Variants in CDH4 observed in about 807,000 individuals in gnomAD.
CDH4 encodes the protein cadherin-4.
Under a neutral mutation model 86.0 loss-of-function variants are expected in CDH4, and 33 were observed. The observed-to-expected ratio is 0.38, with a 90% confidence interval of 0.29 to 0.51. The LOEUF (loss-of-function observed/expected upper bound fraction) is 0.51. Ranked by LOEUF, CDH4 falls within the 20% of genes least tolerant of loss-of-function variation. The probability of loss-of-function intolerance (pLI) is 0.86; values close to 1 mark genes in which losing one functional copy is unlikely to be tolerated. For synonymous variants in CDH4, 555 were observed against 549.4 expected, an observed-to-expected ratio of 1.01 and a Z score of -0.14; for missense variants, 1,114 against 1,307.4, an observed-to-expected ratio of 0.85 and a Z score of 2.28.
At chr20:61,398,145 CG>C (rs1273826949) in intron 2 of CDH4, among the ~76,000 whole-genome samples, 2 of 152,172 alleles carry the variant, frequency 1.3e-5, no homozygotes, top group Non-Finnish European at 2.9e-5. Flanking sequence ...AGCATTCAAG[CG>C]TATCAGTCTT....
intron 3 of CDH4, among the ~76,000 whole-genome samples, chr20:61,755,508 A>G (rs1229293422): frequency 2.1e-5 from 3 of 145,724 alleles, no homozygotes; most frequent in Non-Finnish European, 4.5e-5. Context: ...ACACACACAC[A>G]TGCCCCATAC....
At chr20:61,581,030 A>G (rs1052209615) in intron 2 of CDH4, among the ~76,000 whole-genome samples, 2 of 152,220 alleles carry the variant, frequency 1.3e-5, no homozygotes, top group African/African-American at 4.8e-5. Flanking sequence ...GGACAAGGGC[A>G]CTATCCAAAA....
intron 2 of CDH4, among the ~76,000 whole-genome samples, chr20:61,447,533 C>A (rs776779150): frequency 1.3e-5 from 2 of 151,244 alleles, no homozygotes; most frequent in African/African-American, 2.4e-5. Flanking sequence ...GCTTTTCAGT[C>A]TTGTCCCATT....
rs774837151 is a variant in CDH4, at chr20:61,773,143, C to A, written c.537C>A (p.Pro179=). ...RDWVIPPINV[P]ENSRGPFPQQ... Reference sequence around the variant, plus strand: ...GGGTCATCCCGCCCATCAACGTGCCCGAGAACTCGCGCGGGCCCTTCCCGC... The same window carrying A: ...GGGTCATCCCGCCCATCAACGTGCCAGAGAACTCGCGCGGGCCCTTCCCGC... The change falls in exon 4 of 16, where the codon CCC becomes CCA. Residue 179 remains proline (P), a synonymous_variant. Coordinates refer to ENST00000614565, the MANE Select transcript of CDH4 (RefSeq NM_001794.5). The A allele has an allele frequency of 7.5e-6, 12 of 1,599,314 alleles. No homozygotes were observed. The highest frequency in any genetic ancestry group is 1.0e-5 in the Non-Finnish European group (12 of 1,173,364).
intron 2 of CDH4, among the ~76,000 whole-genome samples, chr20:61,690,706 C>T (rs1414869414): frequency 1.3e-5 from 2 of 152,062 alleles, no homozygotes; most frequent in African/African-American, 4.8e-5. Context: ...CAAAGACCAC[C>T]CCCCACCCAC....
In CDH4 at chr20:61,873,883, G is replaced by T. The variant is rs1418973520; in HGVS notation, c.1033G>T (p.Ala345Ser). 1.2e-6 allele frequency: 2 copies of T among 1,613,806 alleles called. No individual in the cohort carries two copies. Residue 345 changes from alanine (A) to serine (S), a missense_variant, in exon 7 of 16, where the codon GCT becomes TCT. Ala to Ser is a moderately conservative substitution (Grantham distance 99, BLOSUM62 1). Around this residue, in one of 3 missense-constraint regions of CDH4, gnomAD observed 705 missense variants for 914.1 expected, o/e 0.77. Coordinates refer to ENST00000614565, the MANE Select transcript of CDH4 (RefSeq NM_001794.5). ...SETGDIVTVA[A>S]GLDREKVQQY... The stretch of plus-strand genomic sequence containing the variant: ...GACTGGAGATATCGTCACAGTGGCG[G>T]CTGGCCTGGACCGAGAGGTGAGGCG...
At position 61,269,847 on chromosome 20, in the gene CDH4, C is replaced by G. The variant is rs942028326; in HGVS notation, c.169+14910C>G. 1.3e-5 allele frequency among the ~76,000 whole-genome samples: 2 copies of G among 152,238 alleles called. No homozygotes were observed. The highest frequency in any genetic ancestry group is 2.4e-5 in the African/African-American group (1 of 41,524). On this transcript the variant is annotated intron_variant, in intron 2 of 15. Transcript: ENST00000614565. This position sits in a 1 kb window ranked among gnomAD's most constrained non-coding sequence, Gnocchi z 5.3. ...GCAACTCCATGTTCCCGACGCATGA[C>G]CGGACCTCCAGAGCCAGTGGTACTC...
rs150450886 is a variant in CDH4, at chr20:61,774,551, T to C, written c.576+1369T>C. On this transcript the variant is annotated intron_variant, in intron 4 of 15. Transcript: ENST00000614565. ...CTTTTATTGTAAGTTCAGGGGTACA[T>C]GTATAGGATGTGCAGGTTTGTTACC... Among the ~76,000 whole-genome samples, 38 of 152,338 alleles carry C rather than the reference T, an allele frequency of 2.5e-4. 1 individual carries two copies. Among genetic ancestry groups the C allele is most frequent in the Admixed American group, 2.3e-3 (35 of 15,308 alleles).
In CDH4 at chr20:61,501,997, C is replaced by T. The variant is rs1177419525; in HGVS notation, c.170-241566C>T. 6.6e-6 allele frequency among the ~76,000 whole-genome samples: 1 copy of T among 151,236 alleles called. No individual in the cohort carries two copies. Among genetic ancestry groups the T allele is most frequent in the South Asian group, 2.1e-4 (1 of 4,798 alleles). On this transcript the variant is annotated intron_variant, in intron 2 of 15. Coordinates refer to ENST00000614565, the MANE Select transcript of CDH4 (RefSeq NM_001794.5). The surrounding 1 kb of genome is among the most constrained non-coding windows in gnomAD (Gnocchi z 4.2). ...GCCCAGGCCGTTACCCTTTAGTGGG[C>T]GCGTGAGGGCTGTGGGTCACAGTTT...
At chr20:61,255,069 G>T in intron 2 of CDH4, 132 bp downstream of exon 2, 1 of 646,710 alleles carries the variant, frequency 1.5e-6, no homozygotes, top group Non-Finnish European at 2.8e-6. Flanking sequence ...AGTCCACGAG[G>T]TGCAAATTGG....
intron 3 of CDH4, among the ~76,000 whole-genome samples, chr20:61,765,234 GAGGATGGACCTCCCAC>G (rs199897516): frequency 0.02 from 2,972 of 152,218 alleles, 70 homozygotes; most frequent in South Asian, 0.074. Flanking sequence ...GAGGGGTCCC[GAGGATGGACCTCCCAC>G]AGCCTCGTGT....
At chr20:61,929,525 G>GGACTT (rs2055081928) in intron 12 of CDH4, 84 bp from the exon 13 acceptor site, 3 of 991,246 alleles carry the variant, frequency 3.0e-6, no homozygotes, top group Non-Finnish European at 4.7e-6. Context: ...CCATGCCATC[G>GGACTT]GACTTTTAGT....
intron 2 of CDH4, among the ~76,000 whole-genome samples, chr20:61,276,575 G>C (rs887279565): frequency 6.6e-6 from 1 of 152,202 alleles, no homozygotes; most frequent in Non-Finnish European, 1.5e-5. Context: ...TGACAGGGCC[G>C]TGCCTGGCAT....
rs62199426 is a variant in CDH4 at position 61,296,276 on chromosome 20, C to G, written c.169+41339C>G. 9.3e-5 allele frequency among the ~76,000 whole-genome samples: 5 copies of G among 53,750 alleles called. 1 individual carries two copies. The highest frequency in any genetic ancestry group is 6.9e-3 in the Middle Eastern group (1 of 144). The allele number at this position is 53,750 out of a possible 152,430, so 35.3% of individuals were successfully genotyped here. A position where few individuals can be genotyped will look rare whatever the true frequency, so the allele number is the denominator to read the frequency against. ...GTGCATGTGTGCGTGTGTGTGTGTG[C>G]GTGGGTGCGTGTGTGTGTGTGCGTG... On this transcript the variant is annotated intron_variant, in intron 2 of 15. Transcript: ENST00000614565.
chr20:61,741,140 C>T (rs569363871), intron 2 of CDH4, among the ~76,000 whole-genome samples: 4 of 152,156 alleles, frequency 2.6e-5, no homozygotes, highest in South Asian at 2.1e-4. Flanking sequence ...ACCTGGGAGG[C>T]GGAGGTTGCA....
intron 2 of CDH4, among the ~76,000 whole-genome samples, chr20:61,611,418 A>G (rs764446605): frequency 1.1e-4 from 17 of 152,018 alleles, no homozygotes; most frequent in Non-Finnish European, 1.9e-4. Context: ...GACCAAGTCA[A>G]TCCCTGAGGA....
intron 3 of CDH4, among the ~76,000 whole-genome samples, chr20:61,761,643 C>G (rs1358795689): frequency 1.3e-5 from 2 of 152,174 alleles, no homozygotes; most frequent in Non-Finnish European, 1.5e-5. Flanking sequence ...TAGACAAAGT[C>G]AAAGGCCGGT....
intron 2 of CDH4, among the ~76,000 whole-genome samples, chr20:61,391,441 G>A (rs987669496): frequency 2.6e-5 from 4 of 152,132 alleles, no homozygotes; most frequent in African/African-American, 7.2e-5. Context: ...CACCACCTGC[G>A]CCCTCCGAAC....
At chr20:61,842,308 G>T (rs1982212920) in intron 4 of CDH4, among the ~76,000 whole-genome samples, 1 of 152,184 alleles carries the variant, frequency 6.6e-6, no homozygotes, top group African/African-American at 2.4e-5. Context: ...TGCCACACGT[G>T]GGGCAGTTGC....
Sources: gnomAD v4.1 joint callset for allele counts (sites outside exome capture counted in the v4.1 genomes callset) on GRCh38, gnomAD v4.1.1 for gene constraint, gnomAD v4.1.1 regional missense constraint, Gnocchi (gnomAD v3.1) non-coding constraint, MANE v1.5 for transcripts, NCBI Gene and HGNC (gene_info 2026-07-23, HGNC 2026-07-21) for gene names.